Variants in RALGAPA2 observed in about 807,000 individuals in gnomAD.
RALGAPA2 encodes Ral GTPase activating protein catalytic subunit alpha 2.
RALGAPA2 carries 139 observed loss-of-function variants against 230.4 expected under a neutral mutation model. That is an observed-to-expected ratio of 0.60 (90% CI 0.53 to 0.69). RALGAPA2 has a LOEUF of 0.69. Ranked by LOEUF, RALGAPA2 falls within the 30% of genes least tolerant of loss-of-function variation. The probability of loss-of-function intolerance (pLI) is 0.00; values close to 1 mark genes in which losing one functional copy is unlikely to be tolerated. For missense variants in RALGAPA2, 2,163 were observed against 2,276.0 expected, an observed-to-expected ratio of 0.95 and a Z score of 1.01; for synonymous variants, 847 against 837.8, an observed-to-expected ratio of 1.01 and a Z score of -0.19.
chr20:20,438,345 T>C (rs1341335476), intron 37 of RALGAPA2, among the ~76,000 whole-genome samples: 1 of 152,246 alleles, frequency 6.6e-6, no homozygotes, highest in African/African-American at 2.4e-5. Flanking sequence ...CCTATATTAC[T>C]ATATATGCAT....
intron 15 of RALGAPA2, among the ~76,000 whole-genome samples, chr20:20,603,578 G>A (rs2065727685): frequency 6.6e-6 from 1 of 152,178 alleles, no homozygotes; most frequent in South Asian, 2.1e-4. Flanking sequence ...GCCACTTGGT[G>A]AACAAGCCTG....
At chr20:20,678,247 A>C (rs1350378229) in intron 2 of RALGAPA2, among the ~76,000 whole-genome samples, 1 of 152,172 alleles carries the variant, frequency 6.6e-6, no homozygotes, top group Non-Finnish European at 1.5e-5. Flanking sequence ...TTTTTAAGGT[A>C]CAGTGTCTTC....
Position 20,393,083 on chromosome 20 carries a change from G to A in RALGAPA2, c.*206C>T, listed in dbSNP as rs1350382521. 7.4e-7 allele frequency: 1 copy of A among 1,346,218 alleles called. No homozygotes were observed. The highest frequency in any genetic ancestry group is 4.7e-5 in the East Asian group (1 of 21,302). 83.4% of individuals were successfully genotyped at this position (1,346,218 alleles called of 1,614,324 possible). A position where few individuals can be genotyped will look rare whatever the true frequency, so the allele number is the denominator to read the frequency against. On this transcript the variant is annotated 3_prime_UTR_variant, in exon 40 of 40. Coordinates refer to ENST00000202677, the MANE Select transcript of RALGAPA2 (RefSeq NM_020343.4). Reference sequence around the variant, plus strand: ...GAGACACGGTAGTGGGATTCACCATGGGCTTCAGAAGTCCACTAATGGGAA... The same window carrying A: ...GAGACACGGTAGTGGGATTCACCATAGGCTTCAGAAGTCCACTAATGGGAA...
At chr20:20,709,935 G>GAT (rs1205598615) in intron 1 of RALGAPA2, among the ~76,000 whole-genome samples, 1 of 152,186 alleles carries the variant, frequency 6.6e-6, no homozygotes, top group East Asian at 1.9e-4. Flanking sequence ...AATGGTGGGA[G>GAT]ATATGTAATG....
chr20:20,577,202 T>C (rs2145969103), intron 20 of RALGAPA2, among the ~76,000 whole-genome samples: 1 of 152,046 alleles, frequency 6.6e-6, no homozygotes, highest in African/African-American at 2.4e-5. Flanking sequence ...TGAAGCACAA[T>C]CTCTGGATCT....
intron 37 of RALGAPA2, chr20:20,472,009 T>G (rs923708656): frequency 1.3e-5 from 2 of 152,218 alleles, no homozygotes; most frequent in Admixed American, 6.5e-5. Flanking sequence ...TTTCAAATTA[T>G]TATCAATACC....
intron 1 of RALGAPA2, among the ~76,000 whole-genome samples, chr20:20,683,798 C>T (rs1174379550): frequency 6.6e-6 from 1 of 152,076 alleles, no homozygotes; most frequent in Non-Finnish European, 1.5e-5. Flanking sequence ...TGAATCACCA[C>T]ATTTTCAAAA....
chr20:20,413,620 A>C (rs1311409797), intron 37 of RALGAPA2, among the ~76,000 whole-genome samples: 3 of 152,212 alleles, frequency 2.0e-5, no homozygotes, highest in Non-Finnish European at 4.4e-5. Context: ...TAGGGGTTCT[A>C]TACTGGATCG....
chr20:20,640,173 T>C (rs552596574), intron 6 of RALGAPA2, among the ~76,000 whole-genome samples: 83 of 152,250 alleles, frequency 5.5e-4, no homozygotes, highest in Non-Finnish European at 1.0e-3. Flanking sequence ...AATAACGCAA[T>C]ATACAGTAAT....
chr20:20,441,254 G>A lies in RALGAPA2; in HGVS notation c.5496-29106C>T, dbSNP rs567877250. 1.3e-5 allele frequency among the ~76,000 whole-genome samples: 2 copies of A among 152,348 alleles called. 1 individual carries two copies. Among genetic ancestry groups the A allele is most frequent in the South Asian group, 4.1e-4 (2 of 4,828 alleles). ...TTACATAAGATGCTTTTTGGGAGCT[G>A]TTTCACATGAGGACCTTTTTCATAA... On this transcript the variant is annotated intron_variant, in intron 37 of 39. Transcript: ENST00000202677.
chr20:20,516,719 C>CAG (rs1210007117), intron 31 of RALGAPA2, among the ~76,000 whole-genome samples: 7 of 152,216 alleles, frequency 4.6e-5, no homozygotes, highest in African/African-American at 1.7e-4. Flanking sequence ...GGATCACCTG[C>CAG]AGACATTTCC....
chr20:20,497,498 C>G (rs1429647602), intron 35 of RALGAPA2, among the ~76,000 whole-genome samples: 1 of 152,192 alleles, frequency 6.6e-6, no homozygotes, highest in African/African-American at 2.4e-5. Context: ...GCACAAATGT[C>G]TGAATGGAAA....
At chr20:20,442,088 T>C (rs2123069042) in intron 37 of RALGAPA2, among the ~76,000 whole-genome samples, 1 of 152,364 alleles carries the variant, frequency 6.6e-6, no homozygotes, top group East Asian at 1.9e-4. Context: ...CAGACAGCAG[T>C]GGCTAAGAGA....
chr20:20,552,751 G>C (rs2145768448), intron 23 of RALGAPA2, among the ~76,000 whole-genome samples: 1 of 152,236 alleles, frequency 6.6e-6, no homozygotes, highest in South Asian at 2.1e-4. Context: ...CAGAAATGCT[G>C]AGTGACGAGA....
At chr20:20,477,357 T>C (rs1455637556) in intron 36 of RALGAPA2, among the ~76,000 whole-genome samples, 1 of 152,184 alleles carries the variant, frequency 6.6e-6, no homozygotes. Context: ...ATGTACAGAA[T>C]ACTTTTTAAA....
At chr20:20,499,020 C>T (rs150857704) in intron 35 of RALGAPA2, among the ~76,000 whole-genome samples, 62 of 152,230 alleles carry the variant, frequency 4.1e-4, no homozygotes, top group African/African-American at 1.4e-3. Flanking sequence ...TGAAAAAGTC[C>T]CCCCATGATG....
chr20:20,590,528 A>C (rs965814976), intron 17 of RALGAPA2, among the ~76,000 whole-genome samples: 2 of 152,198 alleles, frequency 1.3e-5, no homozygotes, highest in Non-Finnish European at 2.9e-5. Flanking sequence ...CCAAAACAGA[A>C]TAACTATTTC....
chr20:20,439,217 GTT>G (rs1173075376), intron 37 of RALGAPA2, among the ~76,000 whole-genome samples: 1 of 144,570 alleles, frequency 6.9e-6, no homozygotes. Context: ...CCTGGTTTTA[GTT>G]TTTTTTTTTT....
chr20:20,504,851 G>A (rs1378618856), intron 34 of RALGAPA2: 1 of 350,434 alleles, frequency 2.9e-6, no homozygotes, highest in African/African-American at 2.2e-5. Flanking sequence ...TTTGGGGAAA[G>A]GTGTGTATGT....
Sources: gnomAD v4.1 joint callset for allele counts (sites outside exome capture counted in the v4.1 genomes callset) on GRCh38, gnomAD v4.1.1 for gene constraint, MANE v1.5 for transcripts, NCBI Gene and HGNC (gene_info 2026-07-23, HGNC 2026-07-21) for gene names.